The following FBN3 variants were observed in gnomAD, a reference collection of about 807,000 sequenced individuals.
FBN3 encodes fibrillin-3.
FBN3 carries 234 observed loss-of-function variants against 330.1 expected under a neutral mutation model. The ratio of observed to expected loss-of-function variants is 0.71; its 90% CI spans 0.64 to 0.79. The LOEUF is 0.79. Ranked by LOEUF, FBN3 falls within the 30% of genes least tolerant of loss-of-function variation. The pLI is 0.00. For synonymous variants in FBN3, 1,458 were observed against 1,517.3 expected, an observed-to-expected ratio of 0.96 and a Z score of 0.91; for missense variants, 3,606 against 3,886.9, an observed-to-expected ratio of 0.93 and a Z score of 1.92.
intron 59 of FBN3, 106 bp downstream of exon 59, chr19:8,080,897 C>G: frequency 1.3e-6 from 1 of 764,392 alleles, no homozygotes; most frequent in East Asian, 2.7e-5. Flanking sequence ...GCTGGGATTA[C>G]AGGCGTGAGC....
intron 1 of FBN3, chr19:8,147,756 G>A: frequency 2.8e-6 from 1 of 361,570 alleles, no homozygotes; most frequent in Non-Finnish European, 5.0e-6. Flanking sequence ...GGAAGGGAGG[G>A]GAGAGAGGGC....
chr19:8,081,024 G>C lies in FBN3; in HGVS notation c.7432C>G (p.Gln2478Glu), dbSNP rs1002790209. The change falls in exon 59 of 64, where the codon CAG becomes GAG. Residue 2478 changes from glutamine (Q) to glutamate (E), a missense_variant. Transcript: ENST00000600128. ...FTCRCPPGFT[Q>E]HHQACFDNDE... ...TCACCGAAGCAGGCCTGGTGGTGCT[G>C]GGTGAAGCCGGGCGGACAGCGGCAG... 6.2e-7 allele frequency: 1 copy of C among 1,612,386 alleles called. No individual in the cohort carries two copies. Among genetic ancestry groups the C allele is most frequent in the African/African-American group, 1.3e-5 (1 of 74,922 alleles).
chr19:8,111,630 C>A lies in FBN3; in HGVS notation c.4084+18G>T. The A allele has an allele frequency of 1.3e-6, 2 of 1,563,022 alleles. No individual in the cohort carries two copies. Among genetic ancestry groups the A allele is most frequent in the South Asian group, 2.3e-5 (2 of 88,640 alleles). On this transcript the variant is annotated intron_variant, in intron 32 of 63. Coordinates refer to ENST00000600128, the MANE Select transcript of FBN3 (RefSeq NM_032447.5). ...CTGTCCCTCTAGGGCCCCTGCCCTC[C>A]CACCCCTCTAATCTCACCTTCGCAG... is the stretch of plus-strand genomic sequence containing the variant.
intron 18 of FBN3, among the ~76,000 whole-genome samples, chr19:8,128,560 C>T (rs2083048968): frequency 7.1e-6 from 1 of 140,700 alleles, no homozygotes; most frequent in Admixed American, 6.9e-5. Flanking sequence ...AAGACTCTGT[C>T]TCAAAAAAAA....
intron 22 of FBN3, among the ~76,000 whole-genome samples, chr19:8,125,422 A>C (rs954439897): frequency 3.3e-5 from 4 of 121,202 alleles, no homozygotes; most frequent in African/African-American, 1.5e-4. Context: ...TCAAGAAAAA[A>C]GAAAAAAAAA....
chr19:8,100,784 G>A lies in FBN3; in HGVS notation c.5161+117C>T, dbSNP rs866437096. 31 of 771,616 alleles carry A rather than the reference G, an allele frequency of 4.0e-5. No homozygotes were observed. In the Middle Eastern group the frequency reaches 7.3e-4, roughly 18 times the overall value. 47.8% of individuals were successfully genotyped at this position (771,616 alleles called of 1,614,324 possible). A position where few individuals can be genotyped will look rare whatever the true frequency, so the allele number is the denominator to read the frequency against. On this transcript the variant is annotated intron_variant, in intron 41 of 63. Coordinates refer to ENST00000600128, the MANE Select transcript of FBN3 (RefSeq NM_032447.5). ...GAGTTGGAGGTGTGTGGAGCGAGGA[G>A]GAGGGGAGGATGGAGGAGTGGATGT...
intron 45 of FBN3, 125 bp from the exon 46 acceptor site, chr19:8,095,628 A>T: frequency 2.1e-6 from 2 of 975,294 alleles, no homozygotes; most frequent in South Asian, 3.4e-5. Flanking sequence ...ACTCATGTAT[A>T]GACTATGTAT....
intron 58 of FBN3, 69 bp from the exon 59 acceptor site, chr19:8,081,188 G>C: frequency 6.6e-7 from 1 of 1,513,320 alleles, no homozygotes; most frequent in Admixed American, 1.7e-5. Flanking sequence ...CCCAGGGGCT[G>C]CCCTTGCCAC....
intron 13 of FBN3, 26 bp downstream of exon 13, chr19:8,135,935 T>TCCCCCCCCCCCCCCCCCCCCC: frequency 7.4e-7 from 1 of 1,344,156 alleles, no homozygotes; most frequent in Non-Finnish European, 1.0e-6. Context: ...CGGAAGCCCC[T>TCCCCCCCCCCCCCCCCCCCCC]GCCCACCCGC....
chr19:8,103,642 G>C lies in FBN3; in HGVS notation c.4859C>G (p.Thr1620Ser). 1 of 1,613,722 alleles carries C rather than the reference G, an allele frequency of 6.2e-7. No individual in the cohort carries two copies. The highest frequency in any genetic ancestry group is 8.5e-7 in the Non-Finnish European group (1 of 1,179,744). Residue 1620 changes from threonine (T) to serine (S), a missense_variant, in exon 39 of 64, where the codon ACC becomes AGC. Thr to Ser is a moderately conservative substitution (Grantham distance 58). Coordinates refer to ENST00000600128, the MANE Select transcript of FBN3 (RefSeq NM_032447.5). The part of the protein sequence containing the change: ...STHSGICGPG[T>S]CYNTLGNYTC... ...GTAGTTCCCCAGGGTGTTGTAGCAGGTGCCAGGGCCACAGATGCCGGAGTG... is the reference window on the plus strand; with the variant it reads ...GTAGTTCCCCAGGGTGTTGTAGCAGCTGCCAGGGCCACAGATGCCGGAGTG...
chr19:8,094,282 C>T (rs1390137559), intron 47 of FBN3, among the ~76,000 whole-genome samples, 164 bp downstream of exon 47: 1 of 152,150 alleles, frequency 6.6e-6, no homozygotes, highest in Non-Finnish European at 1.5e-5. Flanking sequence ...AGTGCAGAGT[C>T]CAGAAACAAT....
intron 62 of FBN3, 107 bp from the exon 63 acceptor site, chr19:8,072,305 CCACGCA>C: frequency 8.2e-7 from 1 of 1,212,818 alleles, no homozygotes; most frequent in Non-Finnish European, 1.1e-6. Flanking sequence ...CTGCAAATGC[CCACGCA>C]CACAAATGCC....
chr19:8,076,050 A>C (rs927834289), intron 59 of FBN3, among the ~76,000 whole-genome samples: 2 of 152,154 alleles, frequency 1.3e-5, no homozygotes, highest in Non-Finnish European at 2.9e-5. Context: ...TAGTGCCCTT[A>C]TAAGAGACAC....
At position 8,091,478 on chromosome 19, in the gene FBN3, C is replaced by T. The variant is rs1335737921; in HGVS notation, c.6018G>A (p.Gly2006=). The T allele has an allele frequency of 6.2e-7, 1 of 1,614,078 alleles. No homozygotes were observed. The highest frequency in any genetic ancestry group is 2.2e-5 in the East Asian group (1 of 44,904). Residue 2006 remains glycine (G), a synonymous_variant, in exon 48 of 64, where the codon GGG becomes GGA. Coordinates refer to ENST00000600128, the MANE Select transcript of FBN3 (RefSeq NM_032447.5). ...CPPGFVLSDN[G]HRCFDTRQSF... ...GTGTGGACTTACCAAAGCAACGGTG[C>T]CCATTGTCAGAGAGGACAAAGCCAG...
chr19:8,110,951 C>A lies in FBN3; in HGVS notation c.4227G>T (p.Ala1409=), dbSNP rs143029271. The change falls in exon 34 of 64, where the codon GCG becomes GCT. Residue 1409 remains alanine (A), a synonymous_variant. Transcript: ENST00000600128. ...TCCCAAATGCACAGAGGTTCCCTTG[C>A]GCACACTCGTCCACATCTGCGGGGA... ...HRACQDVDEC[A]QGNLCAFGSC... 4 of 1,614,244 alleles carry A rather than the reference C, an allele frequency of 2.5e-6. No homozygotes were observed. The highest frequency in any genetic ancestry group is 1.1e-5 in the South Asian group (1 of 91,078).
At chr19:8,112,923 T>C (rs2082623220) in intron 30 of FBN3, among the ~76,000 whole-genome samples, 3 of 152,370 alleles carry the variant, frequency 2.0e-5, no homozygotes, top group Non-Finnish European at 2.9e-5. Context: ...TGCTCTGTTA[T>C]GTAACACTTG....
In FBN3 at chr19:8,096,475, G is replaced by A; in HGVS notation, c.5508C>T (p.Phe1836=). Residue 1836 remains phenylalanine (F), a synonymous_variant, in exon 44 of 64, where the codon TTC becomes TTT. Coordinates refer to ENST00000600128, the MANE Select transcript of FBN3 (RefSeq NM_032447.5). The surrounding 1 kb of genome is among the most constrained non-coding windows in gnomAD (Gnocchi z 4.6). ...GSYMCLCHRG[F]QASADQTLCM... ...ACAGGGTCTGGTCTGCAGAGGCCTGGAATCCACGGTGACACAGACACATGT... is the reference window on the plus strand; with the variant it reads ...ACAGGGTCTGGTCTGCAGAGGCCTGAAATCCACGGTGACACAGACACATGT... 1.2e-6 allele frequency: 2 copies of A among 1,613,996 alleles called. No homozygotes were observed. The highest frequency in any genetic ancestry group is 1.7e-6 in the Non-Finnish European group (2 of 1,179,964).
At chr19:8,130,659 G>GGAAAGGAAAAGAAAAGAAAAGAAAA (rs1555750608) in intron 16 of FBN3, among the ~76,000 whole-genome samples, 1 of 37,252 alleles carries the variant, frequency 2.7e-5, no homozygotes, top group African/African-American at 1.4e-4. Context: ...GGAAAGGAAA[G>GGAAAGGAAAAGAAAAGAAAAGAAAA]GAAAAGAAAA....
chr19:8,116,640 C>T, intron 29 of FBN3, 34 bp downstream of exon 29: 2 of 1,563,274 alleles, frequency 1.3e-6, no homozygotes, highest in Non-Finnish European at 8.8e-7. Flanking sequence ...ACTGCCTCCT[C>T]CACCCGCCCC....
Sources: allele counts gnomAD v4.1 joint callset (sites outside exome capture counted in the v4.1 genomes callset), GRCh38; gene constraint gnomAD v4.1.1; non-coding constraint Gnocchi (gnomAD v3.1); transcripts MANE v1.5; gene names NCBI Gene and HGNC (gene_info 2026-07-23, HGNC 2026-07-21).